HOOK2: variants seen among roughly 807,000 people sequenced by gnomAD.
The protein encoded by HOOK2 is hook microtubule tethering protein 2, also known as protein Hook homolog 2.
HOOK2 carries 108 observed loss-of-function variants against 111.9 expected under a neutral mutation model. The ratio of observed to expected loss-of-function variants is 0.96; its 90% confidence interval spans 0.83 to 1.13. The LOEUF is 1.13. Ranked by LOEUF, HOOK2 falls within the 50% of genes most tolerant of loss-of-function variation. The pLI, the probability that HOOK2 is intolerant of heterozygous loss-of-function variation, is 0.00. For synonymous variants in HOOK2, 405 were observed against 394.3 expected (o/e 1.03, Z -0.32); for missense variants, 978 against 951.3 (o/e 1.03, Z -0.37).
chr19:12,782,542 G>A (rs1968613807), upstream of HOOK2, among the ~76,000 whole-genome samples: 1 of 152,212 alleles, frequency 6.6e-6, no homozygotes, highest in Non-Finnish European at 1.5e-5. Context: ...GGGCGCGTGC[G>A]TCGTGCGTGA....
chr19:12,775,087 C>T, intron 1 of HOOK2, 190 bp from the exon 2 acceptor site: 1 of 789,796 alleles, frequency 1.3e-6, no homozygotes, highest in Non-Finnish European at 1.5e-6. Context: ...CTCACCTCTG[C>T]CCAACAAACC....
In HOOK2 at chr19:12,765,146, T is replaced by A. The variant is rs1968110330; in HGVS notation, c.1641-65A>T. On this transcript the variant is annotated intron_variant, in intron 18 of 22. Coordinates refer to ENST00000397668, the MANE Select transcript of HOOK2 (RefSeq NM_013312.3). The stretch of plus-strand genomic sequence containing the variant: ...GCTGGCTTCTCTTTTGTCCCAGTGG[T>A]AGCCACAGACCTCCCCGCCAGCCAG... 7 of 1,522,696 alleles carry A rather than the reference T, an allele frequency of 4.6e-6. No individual in the cohort carries two copies. The South Asian group carries it at 7.9e-5, about 17-fold the overall frequency. 94.3% of individuals were successfully genotyped at this position (1,522,696 alleles called of 1,614,324 possible).
chr19:12,770,865 A>T, intron 10 of HOOK2, 67 bp downstream of exon 10: 1 of 1,530,086 alleles, frequency 6.5e-7, no homozygotes, highest in Non-Finnish European at 8.8e-7. Flanking sequence ...ATGGCATCAG[A>T]GGGGAACTCT....
chr19:12,786,376 G>A lies in HOOK2; in HGVS notation n.42-12151C>T, dbSNP rs1310514425. 3.3e-5 allele frequency among the ~76,000 whole-genome samples: 5 copies of A among 152,102 alleles called. No individual in the cohort carries two copies. The highest frequency in any genetic ancestry group is 5.9e-5 in the Non-Finnish European group (4 of 67,978). On this transcript the variant is annotated intron_variant and non_coding_transcript_variant, in intron 3 of 3. Coordinates refer to the HOOK2 transcript ENST00000589765. The surrounding 1 kb of genome is among the most constrained non-coding windows in gnomAD (Gnocchi z 4.3). ...GGGGCCAGCAGGGAGGGGGGTCACC[G>A]GGCTATTTATAAGAAGGAGAAGTCC...
chr19:12,774,934 GC>G (rs770374923), intron 1 of HOOK2, 37 bp from the exon 2 acceptor site: 3 of 1,574,192 alleles, frequency 1.9e-6, no homozygotes, highest in Non-Finnish European at 2.6e-6. Flanking sequence ...AAGAGTTAGG[GC>G]CTGGGAGCGC....
upstream of HOOK2, among the ~76,000 whole-genome samples, chr19:12,779,919 G>A (rs1482584888): frequency 6.6e-6 from 1 of 152,136 alleles, no homozygotes; most frequent in African/African-American, 2.4e-5. Context: ...GGAGGTCAAG[G>A]CAGACAGATC....
Position 12,767,780 on chromosome 19 carries a change from G to A in HOOK2, c.1303+36C>T, listed in dbSNP as rs201694163. 3.2e-6 allele frequency: 5 copies of A among 1,579,818 alleles called. No individual in the cohort carries two copies. In the East Asian group the frequency reaches 6.7e-5, roughly 21 times the overall value. ...CCTGTTCTACCCAAACAGTACACCAGGACAGGTAAGACCCCGGGATGGGGC... is the reference window on the plus strand; with the variant it reads ...CCTGTTCTACCCAAACAGTACACCAAGACAGGTAAGACCCCGGGATGGGGC... On this transcript the variant is annotated intron_variant, in intron 13 of 22. Coordinates refer to ENST00000397668, the MANE Select transcript of HOOK2 (RefSeq NM_013312.3).
Position 12,763,740 on chromosome 19 carries a change from C to G in HOOK2, c.1866G>C (p.Ala622=). ...GGGAATGGAGTTCTGGAGGTGCCCC[C>G]GCAGCTGGCCGCTGCTTGGGTTCCA... ...QTMEPKQRPA[A]GAPPELHSLR... is the part of the protein sequence containing the mutation. The change falls in exon 21 of 23, where the codon GCG becomes GCC. Residue 622 remains alanine, a synonymous_variant. Transcript: ENST00000397668. 1 of 1,614,142 alleles carries G rather than the reference C, an allele frequency of 6.2e-7. No individual in the cohort carries two copies. Among genetic ancestry groups the G allele is most frequent in the Non-Finnish European group, 8.5e-7 (1 of 1,180,014 alleles).
chr19:12,774,585 C>T (rs1490989586), intron 3 of HOOK2, 84 bp downstream of exon 3: 2 of 1,266,946 alleles, frequency 1.6e-6, no homozygotes, highest in South Asian at 2.4e-5. Context: ...TCTTCCTGCC[C>T]ATCACCCAGG....
intron 11 of HOOK2, 29 bp from the exon 12 acceptor site, chr19:12,768,152 C>A (rs1968213769): frequency 2.5e-6 from 4 of 1,589,656 alleles, no homozygotes; most frequent in Non-Finnish European, 2.6e-6. Flanking sequence ...GGAATAAGGA[C>A]AGCAGGGCTG....
At chr19:12,783,126 C>T (rs1568379647), upstream of HOOK2, among the ~76,000 whole-genome samples, 1 of 152,060 alleles carries the variant, frequency 6.6e-6, no homozygotes, top group Admixed American at 6.5e-5. Context: ...CCCCGTGACT[C>T]ACCCCTCCCG....
rs751124081 is a variant in HOOK2 at position 12,775,476 on chromosome 19, C to T, written c.-27G>A. On this transcript the variant is annotated 5_prime_UTR_variant, in exon 1 of 23. Coordinates refer to ENST00000397668, the MANE Select transcript of HOOK2 (RefSeq NM_013312.3). ...GCTCCCGATCGGATTCAATCCAGGC[C>T]ACGGAGCCCCGGCGCCGCAGCAGCC... The T allele has an allele frequency of 1.2e-6, 2 of 1,601,158 alleles. No homozygotes were observed. Among genetic ancestry groups the T allele is most frequent in the Non-Finnish European group, 1.7e-6 (2 of 1,175,290 alleles).
In HOOK2 at chr19:12,768,097, C is replaced by T; in HGVS notation, c.1131G>A (p.Gln377=). ...RQVQELQGQR[Q]EEAMKAEKWL... is the part of the protein sequence containing the mutation. ...ATTTCTCGGCCTTCATGGCCTCCTC[C>T]TGCCGCTGGCCCTGCAGTTCCTGCA... Residue 377 remains glutamine, a synonymous_variant, in exon 12 of 23, where the codon CAG becomes CAA. Transcript: ENST00000397668. 1 of 1,614,244 alleles carries T rather than the reference C, an allele frequency of 6.2e-7. No homozygotes were observed. Among genetic ancestry groups the T allele is most frequent in the Non-Finnish European group, 8.5e-7 (1 of 1,180,046 alleles).
chr19:12,782,680 G>A (rs911370529), upstream of HOOK2, among the ~76,000 whole-genome samples: 1 of 152,142 alleles, frequency 6.6e-6, no homozygotes, highest in Non-Finnish European at 1.5e-5. Flanking sequence ...GGCGGGGGCT[G>A]GGCGAGCGGA....
At chr19:12,767,060 C>T (rs549517771) in intron 14 of HOOK2, among the ~76,000 whole-genome samples, 1 of 152,216 alleles carries the variant, frequency 6.6e-6, no homozygotes, top group Non-Finnish European at 1.5e-5. Context: ...CGGCAGGGCA[C>T]AGGGGACTGA....
At chr19:12,781,793 G>A (rs1363679931), upstream of HOOK2, among the ~76,000 whole-genome samples, 1 of 151,592 alleles carries the variant, frequency 6.6e-6, no homozygotes, top group African/African-American at 2.4e-5. Flanking sequence ...GTGTGGCTGT[G>A]TGACAAAACA....
Position 12,772,996 on chromosome 19 carries a change from C to T in HOOK2, c.253G>A (p.Asp85Asn), listed in dbSNP as rs367884539. 149 of 1,614,082 alleles carry T rather than the reference C, an allele frequency of 9.2e-5. No homozygotes were observed. In the East Asian group the frequency reaches 3.1e-3, roughly 33 times the overall value. The change falls in exon 4 of 23, where the codon GAT (aspartate) becomes AAT (asparagine). Residue 85 changes from aspartate to asparagine, a missense_variant and splice_region_variant. Around this residue, in one of 5 missense-constraint regions of HOOK2, gnomAD observed 301 missense variants for 286.1 expected, o/e 1.05. Coordinates refer to ENST00000397668, the MANE Select transcript of HOOK2 (RefSeq NM_013312.3). ...VLRSLVEYSQ[D>N]VLAHPVSEEH... ...TGAATCCCTTTACAGTTACTCACAT[C>T]CTGGGAGTACTCTACTAGGCTCCGT...
At chr19:12,782,757 G>A (rs1333113188), upstream of HOOK2, among the ~76,000 whole-genome samples, 1 of 152,198 alleles carries the variant, frequency 6.6e-6, no homozygotes, top group Admixed American at 6.5e-5. Flanking sequence ...CCCGGGAGGG[G>A]GCCTCCGTTA....
Position 12,790,781 on chromosome 19 carries a change from T to C in HOOK2, n.42-16556A>G, listed in dbSNP as rs947023367. Among the ~76,000 whole-genome samples, 15 of 152,324 alleles carry C rather than the reference T, an allele frequency of 9.8e-5. No homozygotes were observed. The South Asian group carries it at 2.7e-3, about 27-fold the overall frequency. On this transcript the variant is annotated intron_variant and non_coding_transcript_variant, in intron 3 of 3. Transcript: ENST00000589765. The surrounding 1 kb of genome is among the most constrained non-coding windows in gnomAD (Gnocchi z 7.2). ...CCAGGCCGCTTACTAGCTTTCTGCA[T>C]ATCTAGACTTCCCCTAATGCCTCCT... is the stretch of plus-strand genomic sequence containing the variant.
Sources: gnomAD v4.1 joint callset for allele counts (sites outside exome capture counted in the v4.1 genomes callset) on GRCh38, gnomAD v4.1.1 for gene constraint, gnomAD v4.1.1 regional missense constraint, Gnocchi (gnomAD v3.1) non-coding constraint, MANE v1.5 for transcripts, NCBI Gene and HGNC (gene_info 2026-07-23, HGNC 2026-07-21) for gene names.